TMEM245: variants seen among roughly 807,000 people sequenced by gnomAD.
The protein encoded by TMEM245 is transmembrane protein 245, also known as protein CG-2.
Under a neutral mutation model 101.2 loss-of-function variants are expected in TMEM245, and 69 were observed. The ratio of observed to expected loss-of-function variants is 0.68; its 90% CI spans 0.56 to 0.83. The LOEUF (loss-of-function observed/expected upper bound fraction) is 0.83. Among genes scored for constraint, TMEM245 ranks in the 40% least tolerant of loss-of-function variants. TMEM245 has a pLI of 0.00. For synonymous variants in TMEM245, 537 were observed against 449.8 expected (o/e 1.19, Z -2.45); for missense variants, 1,075 against 1,092.8 (o/e 0.98, Z 0.23).
intron 14 of TMEM245, among the ~76,000 whole-genome samples, chr9:109,045,009 C>T (rs901397160): frequency 7.9e-5 from 12 of 152,162 alleles, no homozygotes; most frequent in African/African-American, 2.9e-4. Flanking sequence ...ATCTGCCCGC[C>T]TTGGCCTCCC....
chr9:109,098,110 C>G (rs1283223953), intron 3 of TMEM245, among the ~76,000 whole-genome samples: 1 of 152,110 alleles, frequency 6.6e-6, no homozygotes, highest in Non-Finnish European at 1.5e-5. Context: ...AGCCATCTAT[C>G]TTCCCTTAGT....
intron 9 of TMEM245, among the ~76,000 whole-genome samples, chr9:109,066,452 C>CAAAAAAAAAAAA (rs386415818): frequency 5.7e-5 from 3 of 52,478 alleles, no homozygotes; most frequent in African/African-American, 3.5e-4. Flanking sequence ...AAGACTGTCT[C>CAAAAAAAAAAAA]AAAAAAAAAA....
At chr9:109,088,203 G>A (rs549583393) in intron 5 of TMEM245, among the ~76,000 whole-genome samples, 2 of 152,274 alleles carry the variant, frequency 1.3e-5, no homozygotes, top group East Asian at 3.9e-4. Flanking sequence ...GCAACCTAAA[G>A]GTTCACAATT....
intron 16 of TMEM245, 48 bp downstream of exon 16, chr9:109,036,158 G>T: frequency 2.2e-6 from 3 of 1,389,090 alleles, no homozygotes; most frequent in Non-Finnish European, 2.8e-6. Flanking sequence ...AAAAAAAAAC[G>T]GAAATGCCTG....
At chr9:109,064,604 C>G (rs750504676) in intron 9 of TMEM245, 37 bp from the exon 10 acceptor site, 1 of 1,574,316 alleles carries the variant, frequency 6.4e-7, no homozygotes, top group Non-Finnish European at 8.7e-7. Flanking sequence ...AAAAAGTACA[C>G]TTTCTGTGTA....
At chr9:109,027,820 G>A (rs920093981) in intron 17 of TMEM245, among the ~76,000 whole-genome samples, 1 of 152,108 alleles carries the variant, frequency 6.6e-6, no homozygotes, top group Non-Finnish European at 1.5e-5. Flanking sequence ...CGAGTAGCTG[G>A]GATTACAGGC....
chr9:109,119,291 C>T (rs958664619), intron 1 of TMEM245, 44 bp downstream of exon 1: 4 of 1,500,846 alleles, frequency 2.7e-6, no homozygotes, highest in Non-Finnish European at 2.7e-6. Flanking sequence ...CCCAGAGCGC[C>T]GGGACCACGG....
intron 1 of TMEM245, among the ~76,000 whole-genome samples, chr9:109,111,986 C>G (rs1830578320): frequency 6.6e-6 from 1 of 152,104 alleles, no homozygotes; most frequent in Non-Finnish European, 1.5e-5. Context: ...ATTCTTTTGG[C>G]TTCTGGATTT....
intron 14 of TMEM245, chr9:109,042,357 G>A (rs1050835039): frequency 2.0e-5 from 3 of 151,932 alleles, no homozygotes; most frequent in Admixed American, 6.6e-5. Context: ...AGGAGAATCT[G>A]TTTTCTCTTC....
At chr9:109,119,083 T>C (rs1467667917) in intron 1 of TMEM245, among the ~76,000 whole-genome samples, 1 of 152,128 alleles carries the variant, frequency 6.6e-6, no homozygotes, top group African/African-American at 2.4e-5. Context: ...CAGGGCACTG[T>C]CCCCCTAAGA....
intron 7 of TMEM245, among the ~76,000 whole-genome samples, chr9:109,082,767 T>C (rs1416384198): frequency 1.3e-5 from 2 of 152,062 alleles, no homozygotes; most frequent in Non-Finnish European, 2.9e-5. Context: ...TTCAAAAACA[T>C]ATTAGGTACA....
intron 3 of TMEM245, among the ~76,000 whole-genome samples, chr9:109,096,376 C>A (rs1002165508): frequency 6.6e-6 from 1 of 152,168 alleles, no homozygotes; most frequent in Non-Finnish European, 1.5e-5. Context: ...ACTCAAGAGG[C>A]TGAGGCAGGA....
At chr9:109,032,374 T>G (rs1437317334) in intron 17 of TMEM245, among the ~76,000 whole-genome samples, 2 of 47,736 alleles carry the variant, frequency 4.2e-5, no homozygotes, top group Non-Finnish European at 8.1e-5. Flanking sequence ...CCTTTTTTTT[T>G]TTTTTTTTTT....
At chr9:109,039,814 G>A (rs993913092) in intron 14 of TMEM245, among the ~76,000 whole-genome samples, 6 of 151,886 alleles carry the variant, frequency 4.0e-5, no homozygotes, top group Admixed American at 3.3e-4. Context: ...GGTTTTGAGG[G>A]GGAGGGAATA....
At chr9:109,051,005 A>C (rs540928024) in intron 12 of TMEM245, among the ~76,000 whole-genome samples, 3 of 152,124 alleles carry the variant, frequency 2.0e-5, no homozygotes, top group African/African-American at 7.2e-5. Flanking sequence ...TTTTATATAT[A>C]ATTGGTGGGG....
At chr9:109,062,821 T>A (rs1247800162) in intron 10 of TMEM245, among the ~76,000 whole-genome samples, 1 of 151,622 alleles carries the variant, frequency 6.6e-6, no homozygotes, top group Non-Finnish European at 1.5e-5. Flanking sequence ...AACAGAAAAA[T>A]TGGCAGGGCA....
chr9:109,109,887 A>C (rs1407583246), intron 1 of TMEM245, among the ~76,000 whole-genome samples: 1 of 152,192 alleles, frequency 6.6e-6, no homozygotes, highest in African/African-American at 2.4e-5. Flanking sequence ...TGCTGTGATT[A>C]CATCTACTAT....
At chr9:109,043,789 A>G (rs867139973) in intron 14 of TMEM245, among the ~76,000 whole-genome samples, 92 of 152,262 alleles carry the variant, frequency 6.0e-4, no homozygotes, top group African/African-American at 2.1e-3. Flanking sequence ...CTCCTGTCCC[A>G]TACTATATAT....
intron 14 of TMEM245, among the ~76,000 whole-genome samples, chr9:109,044,392 T>C (rs1828409812): frequency 6.6e-6 from 1 of 152,156 alleles, no homozygotes; most frequent in African/African-American, 2.4e-5. Flanking sequence ...TGAGTAAGAA[T>C]TACCTGTCTA....
Sources: gnomAD v4.1 joint callset for allele counts (sites outside exome capture counted in the v4.1 genomes callset) on GRCh38, gnomAD v4.1.1 for gene constraint, MANE v1.5 for transcripts, NCBI Gene and HGNC (gene_info 2026-07-23, HGNC 2026-07-21) for gene names.